ZNF479: variants seen among roughly 807,000 people sequenced by gnomAD.
ZNF479 encodes the protein zinc finger protein 479, also known as KRAB zinc finger protein KR19.
ZNF479 carries 15 observed loss-of-function variants against 14.7 expected under a neutral mutation model. That is an observed-to-expected ratio of 1.02 (90% CI 0.68 to 1.57). The LOEUF (loss-of-function observed/expected upper bound fraction) is 1.57. ZNF479 is among the 40% of genes most tolerant of loss of function. The pLI, the probability that ZNF479 is intolerant of heterozygous loss-of-function variation, is 0.00. For missense variants in ZNF479, 506 were observed against 615.1 expected, an observed-to-expected ratio of 0.82 and a Z score of 1.88; for synonymous variants, 145 against 211.5, an observed-to-expected ratio of 0.69 and a Z score of 2.73.
At chr7:57,126,534 A>C (rs1786173675) in intron 2 of ZNF479, 58 bp downstream of exon 2, 4 of 1,538,242 alleles carry the variant, frequency 2.6e-6, no homozygotes, top group Middle Eastern at 1.7e-4. Context: ...ATTACCAAAA[A>C]CATCTTAGAA....
upstream of ZNF479, among the ~76,000 whole-genome samples, chr7:57,136,973 G>A (rs910288012): frequency 6.6e-5 from 10 of 151,872 alleles, no homozygotes; most frequent in Admixed American, 2.0e-4. Context: ...GAGTTTGGCC[G>A]CTGCACTCCA....
rs1786048144 is a variant in ZNF479, at chr7:57,123,779, G to A, written c.262+2239C>T. ...GTCCAAGAGGTTGAGGCTGCAGTGA[G>A]CCAAGATTGTGCTACTGCACTACAG... On this transcript the variant is annotated intron_variant, in intron 3 of 3. Transcript: ENST00000319636. 2.6e-5 allele frequency among the ~76,000 whole-genome samples: 4 copies of A among 152,064 alleles called. No homozygotes were observed. The South Asian group carries it at 8.3e-4, about 32-fold the overall frequency.
chr7:57,131,723 CTG>C (rs1562851532), intron 1 of ZNF479, among the ~76,000 whole-genome samples: 1 of 152,084 alleles, frequency 6.6e-6, no homozygotes, highest in African/African-American at 2.4e-5. Context: ...AACTACATAA[CTG>C]TACCAAACCA....
At chr7:57,132,033 G>A (rs1786449219) in intron 1 of ZNF479, among the ~76,000 whole-genome samples, 1 of 152,142 alleles carries the variant, frequency 6.6e-6, no homozygotes, top group African/African-American at 2.4e-5. Context: ...TGGGAGTGCA[G>A]AGCAAACCAG....
chr7:57,137,539 G>A (rs1786703528), intron 1 of ZNF479, among the ~76,000 whole-genome samples: 1 of 152,182 alleles, frequency 6.6e-6, no homozygotes, highest in Non-Finnish European at 1.5e-5. Flanking sequence ...CAGAGGAGGT[G>A]CCACAATAGG....
intron 1 of ZNF479, among the ~76,000 whole-genome samples, chr7:57,138,439 A>C (rs1786741950): frequency 6.6e-6 from 1 of 152,198 alleles, no homozygotes; most frequent in African/African-American, 2.4e-5. Context: ...CACATTGACA[A>C]AACTTATTGG....
chr7:57,133,785 G>A (rs527600106), upstream of ZNF479, among the ~76,000 whole-genome samples: 8 of 152,126 alleles, frequency 5.3e-5, 1 homozygote, highest in South Asian at 8.3e-4. Context: ...AGAATTGCTT[G>A]AACCCAAGAG....
intron 1 of ZNF479, among the ~76,000 whole-genome samples, chr7:57,128,872 T>C (rs1786297467): frequency 6.6e-6 from 1 of 152,202 alleles, no homozygotes; most frequent in Non-Finnish European, 1.5e-5. Context: ...GTGATTTGTT[T>C]CTTTTCCTCC....
At chr7:57,137,648 A>T (rs1786707476) in intron 1 of ZNF479, among the ~76,000 whole-genome samples, 1 of 152,128 alleles carries the variant, frequency 6.6e-6, no homozygotes, top group African/African-American at 2.4e-5. Context: ...CACAGGTGTG[A>T]TTGTGTCATA....
intron 3 of ZNF479, among the ~76,000 whole-genome samples, chr7:57,122,642 C>A (rs1294910368): frequency 6.6e-6 from 1 of 152,050 alleles, no homozygotes; most frequent in African/African-American, 2.4e-5. Context: ...TTTTTCTATG[C>A]AACTGAAGTC....
upstream of ZNF479, among the ~76,000 whole-genome samples, chr7:57,136,204 C>A (rs148551750): frequency 0.024 from 3,675 of 151,938 alleles, 113 homozygotes; most frequent in East Asian, 0.17. Flanking sequence ...GCCAACATGG[C>A]GAAACCTCAT....
intron 1 of ZNF479, among the ~76,000 whole-genome samples, chr7:57,137,558 G>C (rs2115913177): frequency 6.6e-6 from 1 of 152,318 alleles, no homozygotes; most frequent in South Asian, 2.1e-4. Flanking sequence ...GGCATTTTCG[G>C]TGCAACTCAA....
chr7:57,120,988 T>C lies in ZNF479; in HGVS notation c.427A>G (p.Ser143Gly). ...GTTGACAAACATTGGTTAACTTCACTATAACCTCCCTTGTGCACCTCATAT... is the reference window on the plus strand; with the variant it reads ...GTTGACAAACATTGGTTAACTTCACCATAACCTCCCTTGTGCACCTCATAT... ...GEYEVHKGGY[S>G]EVNQCLSTTQ... The change falls in exon 4 of 4, where the codon AGT (serine) becomes GGT (glycine). Residue 143 changes from serine (S) to glycine (G), a missense_variant. Physicochemically the swap from Ser to Gly is moderately conservative, Grantham distance 56. Around this residue, in one of 3 missense-constraint regions of ZNF479, gnomAD observed 420 missense variants for 474.2 expected, o/e 0.89. Coordinates refer to ENST00000319636, the MANE Select transcript of ZNF479 (RefSeq NM_001370129.2). 1 of 1,614,158 alleles carries C rather than the reference T, an allele frequency of 6.2e-7. No individual in the cohort carries two copies. Among genetic ancestry groups the C allele is most frequent in the Non-Finnish European group, 8.5e-7 (1 of 1,180,024 alleles).
upstream of ZNF479, among the ~76,000 whole-genome samples, chr7:57,133,285 C>A (rs745755538): frequency 2.0e-5 from 3 of 152,066 alleles, no homozygotes; most frequent in Non-Finnish European, 2.9e-5. Flanking sequence ...ACGTCCTCCC[C>A]GGTTCTTTCT....
chr7:57,123,771 T>C (rs1175433626), intron 3 of ZNF479, among the ~76,000 whole-genome samples: 1 of 152,036 alleles, frequency 6.6e-6, no homozygotes, highest in Non-Finnish European at 1.5e-5. Context: ...AGGTTGAGGC[T>C]GCAGTGAGCC....
At chr7:57,139,181 C>A (rs1472082370) in intron 1 of ZNF479, among the ~76,000 whole-genome samples, 1 of 152,194 alleles carries the variant, frequency 6.6e-6, no homozygotes, top group African/African-American at 2.4e-5. Flanking sequence ...ACCTGGCTAA[C>A]AGTATGAATT....
chr7:57,132,761 G>T (rs1390337410), upstream of ZNF479, among the ~76,000 whole-genome samples: 1 of 152,164 alleles, frequency 6.6e-6, no homozygotes, highest in Non-Finnish European at 1.5e-5. Context: ...ATTTTAAAAT[G>T]TAGGATTTTA....
In ZNF479 at chr7:57,132,332, C is replaced by G; in HGVS notation, c.-8G>C. On this transcript the variant is annotated 5_prime_UTR_variant, in exon 1 of 4. Coordinates refer to ENST00000319636, the MANE Select transcript of ZNF479 (RefSeq NM_001370129.2). ...TCCTGGTCTTTTAGCCATAAATCTG[C>G]AGATACCTGCAGGACACAAGGACAC... is the stretch of plus-strand genomic sequence containing the variant. 6.2e-7 allele frequency: 1 copy of G among 1,614,096 alleles called. No homozygotes were observed. The highest frequency in any genetic ancestry group is 8.5e-7 in the Non-Finnish European group (1 of 1,180,004).
chr7:57,123,050 C>T (rs35143152), intron 3 of ZNF479, among the ~76,000 whole-genome samples: 43,299 of 151,880 alleles, frequency 0.29, 7,127 homozygotes, highest in East Asian at 0.53. Flanking sequence ...TTTGCATTGC[C>T]ATAGAAAATA....
Sources: allele counts gnomAD v4.1 joint callset (sites outside exome capture counted in the v4.1 genomes callset), GRCh38; gene constraint gnomAD v4.1.1; regional missense constraint gnomAD v4.1.1; transcripts MANE v1.5; gene names NCBI Gene and HGNC (gene_info 2026-07-23, HGNC 2026-07-21).